ITGB8: variants seen among roughly 807,000 people sequenced by gnomAD.
ITGB8 encodes integrin beta-8.
ITGB8 carries 30 observed loss-of-function variants against 89.5 expected under a neutral mutation model. That is an observed-to-expected ratio of 0.34 (90% confidence interval 0.25 to 0.45). ITGB8 has a LOEUF of 0.45. ITGB8 is among the 20% of genes least tolerant of loss of function. ITGB8 has a pLI of 1.00. For missense variants in ITGB8, 836 were observed against 933.3 expected (o/e 0.90, Z 1.36); for synonymous variants, 335 against 320.4 (o/e 1.05, Z -0.49).
At chr7:20,399,814 G>C (rs902936135) in intron 9 of ITGB8, among the ~76,000 whole-genome samples, 18 of 152,104 alleles carry the variant, frequency 1.2e-4, no homozygotes, top group African/African-American at 4.1e-4. Flanking sequence ...TTAATCTAAA[G>C]TGCAATGATG....
chr7:20,359,881 G>C (rs906804863), intron 1 of ITGB8, among the ~76,000 whole-genome samples: 3 of 152,168 alleles, frequency 2.0e-5, no homozygotes, highest in African/African-American at 7.2e-5. Flanking sequence ...TGTCTTCTGT[G>C]AAGTATAACC....
rs373071539 is a variant in ITGB8 at position 20,398,943 on chromosome 7, G to T, written c.1230G>T (p.Gly410=). Residue 410 remains glycine (G), a synonymous_variant, in exon 9 of 14, where the codon GGG becomes GGT. Transcript: ENST00000222573. The part of the protein sequence containing the change: ...YFNITAICPD[G]SRKPGMEGCR... ...ACATTACCGCCATCTGTCCAGATGGGTCCAGAAAGCCAGGCATGGAAGGAT... is the reference window on the plus strand; with the variant it reads ...ACATTACCGCCATCTGTCCAGATGGTTCCAGAAAGCCAGGCATGGAAGGAT... 66 of 1,613,406 alleles carry T rather than the reference G, an allele frequency of 4.1e-5. No homozygotes were observed. Among genetic ancestry groups the T allele is most frequent in the Admixed American group, 5.0e-5 (3 of 59,916 alleles).
Position 20,398,899 on chromosome 7 carries a change from G to A in ITGB8, c.1186G>A (p.Val396Ile). Residue 396 changes from valine to isoleucine, a missense_variant, in exon 9 of 14, where the codon GTA (valine) becomes ATA (isoleucine). Val to Ile is a conservative substitution (Grantham distance 29). Around this residue, in one of 5 missense-constraint regions of ITGB8, gnomAD observed 192 missense variants for 267.1 expected, o/e 0.72. Transcript: ENST00000222573. ...SEVKVQVENQ[V>I]QGIYFNITAI... The stretch of plus-strand genomic sequence containing the variant: ...AGTGAAAGTTCAGGTGGAAAACCAG[G>A]TACAAGGCATCTATTTTAACATTAC... The A allele has an allele frequency of 6.2e-7, 1 of 1,603,480 alleles. No homozygotes were observed.
At position 20,330,946 on chromosome 7, in the gene ITGB8, G is replaced by C. The variant is rs985427742; in HGVS notation, c.-861G>C. The C allele has an allele frequency of 1.3e-5, 2 of 152,312 alleles. No individual in the cohort carries two copies. Among genetic ancestry groups the C allele is most frequent in the African/African-American group, 4.8e-5 (2 of 41,462 alleles). The allele number at this position is 152,312 out of a possible 1,614,324, so 9.4% of individuals were successfully genotyped here. On this transcript the variant is annotated 5_prime_UTR_variant, in exon 1 of 14. Transcript: ENST00000222573. ...CTCTGGACTGCGGGACGCCTGAGCCGCGCACTGAGGCGAAAAGGACAAGGG... is the reference window on the plus strand; with the variant it reads ...CTCTGGACTGCGGGACGCCTGAGCCCCGCACTGAGGCGAAAAGGACAAGGG...
chr7:20,406,129 T>C lies in ITGB8; in HGVS notation c.1981T>C (p.Cys661Arg). 2 of 1,613,388 alleles carry C rather than the reference T, an allele frequency of 1.2e-6. No homozygotes were observed. The highest frequency in any genetic ancestry group is 1.7e-6 in the Non-Finnish European group (2 of 1,179,294). ...QAILDQCKTS[C>R]ALMEQQHYVD... ...TATACTTGATCAGTGCAAAACCTCATGTGCTCTCATGGAACAACAGCATTA... is the reference window on the plus strand; with the variant it reads ...TATACTTGATCAGTGCAAAACCTCACGTGCTCTCATGGAACAACAGCATTA... Residue 661 changes from cysteine (C) to arginine (R), a missense_variant, in exon 12 of 14, where the codon TGT (cysteine) becomes CGT (arginine). This residue lies in a region of ITGB8 where 422 missense variants were observed against 416.9 expected (regional missense o/e 1.01). Transcript: ENST00000222573.
intron 3 of ITGB8, among the ~76,000 whole-genome samples, chr7:20,368,051 T>A (rs774049438): frequency 5.3e-5 from 8 of 152,200 alleles, no homozygotes; most frequent in Non-Finnish European, 1.2e-4. Context: ...TAACCATTCT[T>A]GACACACTCC....
At chr7:20,351,284 C>G (rs944283361) in intron 1 of ITGB8, among the ~76,000 whole-genome samples, 1 of 152,150 alleles carries the variant, frequency 6.6e-6, no homozygotes, top group Non-Finnish European at 1.5e-5. Flanking sequence ...ATGTTATTCT[C>G]TATTCCACCT....
intron 1 of ITGB8, chr7:20,353,163 C>T (rs184469871): frequency 5.3e-5 from 8 of 152,342 alleles, no homozygotes; most frequent in African/African-American, 1.4e-4. Context: ...TAATGGAATG[C>T]ATTGCATTGT....
chr7:20,403,511 C>T (rs187238543), intron 10 of ITGB8, among the ~76,000 whole-genome samples: 20 of 152,216 alleles, frequency 1.3e-4, no homozygotes, highest in Admixed American at 8.5e-4. Context: ...GTACTTTCTC[C>T]ACTAGTCTCC....
intron 11 of ITGB8, 21 bp from the exon 12 acceptor site, chr7:20,406,041 C>T (rs969421519): frequency 6.6e-6 from 9 of 1,363,156 alleles, no homozygotes; most frequent in Non-Finnish European, 9.5e-6. Flanking sequence ...TAAATATTTT[C>T]ACTTCTGTTT....
rs746764508 is a variant in ITGB8, at chr7:20,401,789, C to A, written c.1350C>A (p.Ile450=). Reference sequence around the variant, plus strand: ...CAGGAGGAAAAAACTATGCAATAATCAAACCTATTGGTTTTAATGAAACCG... The same window carrying A: ...CAGGAGGAAAAAACTATGCAATAATAAAACCTATTGGTTTTAATGAAACCG... The part of the protein sequence containing the change: ...DVTGGKNYAI[I]KPIGFNETAK... Residue 450 remains isoleucine (I), a synonymous_variant, in exon 10 of 14, where the codon ATC becomes ATA. Transcript: ENST00000222573. 6.2e-7 allele frequency: 1 copy of A among 1,607,888 alleles called. No individual in the cohort carries two copies. Among genetic ancestry groups the A allele is most frequent in the Admixed American group, 1.7e-5 (1 of 58,548 alleles).
intron 4 of ITGB8, chr7:20,379,894 G>C (rs1452753084): frequency 1.3e-5 from 2 of 152,140 alleles, no homozygotes; most frequent in Non-Finnish European, 2.9e-5. Flanking sequence ...CACTATGAAA[G>C]AAGAATTAGC....
Position 20,389,313 on chromosome 7 carries a change from G to A in ITGB8, c.961-2090G>A, listed in dbSNP as rs935086162. Among the ~76,000 whole-genome samples, 4 of 152,102 alleles carry A rather than the reference G, an allele frequency of 2.6e-5. No homozygotes were observed. In the East Asian group the frequency reaches 5.8e-4, roughly 22 times the overall value. On this transcript the variant is annotated intron_variant, in intron 6 of 13. Transcript: ENST00000222573. ...GTTGTTTCCTGACTTTTTAATGATC[G>A]CCATTCTAACTGGCCTGAGATGGTA... is the stretch of plus-strand genomic sequence containing the variant.
rs548435209 is a variant in ITGB8, at chr7:20,340,553, C to T, written c.127+8620C>T. ...GACTCAACTTCCTTTTAGGATAAAG[C>T]GGGTTGAAATTTCAAGATCTGCCGA... On this transcript the variant is annotated intron_variant, in intron 1 of 13. Coordinates refer to ENST00000222573, the MANE Select transcript of ITGB8 (RefSeq NM_002214.3). 3.9e-5 allele frequency among the ~76,000 whole-genome samples: 6 copies of T among 152,264 alleles called. No homozygotes were observed. In the South Asian group the frequency reaches 8.3e-4, roughly 21 times the overall value.
Position 20,404,797 on chromosome 7 carries a change from C to T in ITGB8, c.1857C>T (p.Ser619=). ...GGTGTGAGTGCACCGATCCCAGGAG[C>T]ATCGGCCGCTTCTGTGAACACTGCC... ...CGRCECTDPR[S]IGRFCEHCPT... Residue 619 remains serine (S), a synonymous_variant, in exon 11 of 14, where the codon AGC becomes AGT. Coordinates refer to ENST00000222573, the MANE Select transcript of ITGB8 (RefSeq NM_002214.3). The T allele has an allele frequency of 6.2e-7, 1 of 1,614,206 alleles. No homozygotes were observed. The highest frequency in any genetic ancestry group is 8.5e-7 in the Non-Finnish European group (1 of 1,180,038).
chr7:20,351,954 T>C (rs1234375659), intron 1 of ITGB8, among the ~76,000 whole-genome samples: 1 of 152,154 alleles, frequency 6.6e-6, no homozygotes, highest in Non-Finnish European at 1.5e-5. Context: ...GAAGAGCCCC[T>C]GGAACTCTAG....
chr7:20,398,791 C>T (rs1045829728), intron 8 of ITGB8, 69 bp from the exon 9 acceptor site: 1 of 1,124,182 alleles, frequency 8.9e-7, no homozygotes, highest in Non-Finnish European at 1.2e-6. Context: ...ATTTAATAAG[C>T]TTGACTCTGC....
intron 6 of ITGB8, among the ~76,000 whole-genome samples, chr7:20,385,671 G>A (rs779956308): frequency 1.1e-4 from 17 of 152,148 alleles, no homozygotes; most frequent in South Asian, 2.1e-4. Flanking sequence ...TGACTTTTAA[G>A]TATGCCATTT....
intron 7 of ITGB8, among the ~76,000 whole-genome samples, chr7:20,393,013 C>G (rs1239023284): frequency 6.6e-6 from 1 of 152,148 alleles, no homozygotes; most frequent in African/African-American, 2.4e-5. Context: ...CTTAGCAACT[C>G]ATAAAAATGA....
Sources: gnomAD v4.1 joint callset for allele counts (sites outside exome capture counted in the v4.1 genomes callset) on GRCh38, gnomAD v4.1.1 for gene constraint, gnomAD v4.1.1 regional missense constraint, MANE v1.5 for transcripts, NCBI Gene and HGNC (gene_info 2026-07-23, HGNC 2026-07-21) for gene names.